The following PDE5A variants were observed in gnomAD, a reference collection of about 807,000 sequenced individuals.
The protein encoded by PDE5A is cGMP-specific 3',5'-cyclic phosphodiesterase.
Under a neutral mutation model 110.2 loss-of-function variants are expected in PDE5A, and 67 were observed. That is an observed-to-expected ratio of 0.61 (90% CI 0.50 to 0.75). PDE5A has a LOEUF of 0.75. Ranked by LOEUF, PDE5A falls within the 30% of genes least tolerant of loss-of-function variation. The probability of loss-of-function intolerance (pLI) is 0.00; values close to 1 mark genes in which losing one functional copy is unlikely to be tolerated. For missense variants in PDE5A, 862 were observed against 1,045.1 expected (o/e 0.82, Z 2.42); for synonymous variants, 328 against 351.2 (o/e 0.93, Z 0.74).
At chr4:119,605,632 G>A (rs1024121228) in intron 2 of PDE5A, among the ~76,000 whole-genome samples, 61 of 151,958 alleles carry the variant, frequency 4.0e-4, no homozygotes, top group African/African-American at 1.3e-3. Flanking sequence ...GGATAGCAAA[G>A]TGAGACTCCA....
intron 2 of PDE5A, among the ~76,000 whole-genome samples, chr4:119,602,599 G>T (rs1031714588): frequency 6.6e-6 from 1 of 152,106 alleles, no homozygotes; most frequent in Non-Finnish European, 1.5e-5. Flanking sequence ...TAGGAGATTT[G>T]TCTAAATTAC....
intron 1 of PDE5A, among the ~76,000 whole-genome samples, chr4:119,611,324 T>G (rs1185338718): frequency 2.6e-5 from 4 of 152,246 alleles, no homozygotes; most frequent in Non-Finnish European, 5.9e-5. Context: ...CTCCTGTACT[T>G]AGATTAATGC....
chr4:119,503,323 A>G (rs1025624288), intron 18 of PDE5A, among the ~76,000 whole-genome samples: 1 of 152,298 alleles, frequency 6.6e-6, no homozygotes, highest in East Asian at 1.9e-4. Flanking sequence ...ATGGACATCC[A>G]TCACTTTTTC....
rs763669871 is a variant in PDE5A, at chr4:119,542,608, C to G, written c.1423G>C (p.Glu475Gln). 1.2e-5 allele frequency: 20 copies of G among 1,613,720 alleles called. No individual in the cohort carries two copies. Among genetic ancestry groups the G allele is most frequent in the Non-Finnish European group, 1.5e-5 (18 of 1,179,828 alleles). The change falls in exon 10 of 21, where the codon GAG becomes CAG. Residue 475 changes from glutamate (E) to glutamine (Q), a missense_variant. By Grantham distance (29) the Glu-to-Gln change is conservative. Transcript: ENST00000354960. The stretch of plus-strand genomic sequence containing the variant: ...GGCTTAACCTTGCCAGTATTCTCCT[C>G]CATCTTATTAACAAGTTGGCAAACC... The part of the protein sequence containing the change: ...IGVCQLVNKM[E>Q]ENTGKVKPFN...
rs1443202585 is a variant in PDE5A, at chr4:119,627,537, T to C, written c.152+983A>G. On this transcript the variant is annotated intron_variant, in intron 1 of 20. Transcript: ENST00000354960. This position sits in a 1 kb window ranked among gnomAD's most constrained non-coding sequence, Gnocchi z 4.6. The stretch of plus-strand genomic sequence containing the variant: ...CAGGCGGCAGCGGGGCACGGACTCT[T>C]TCTGCAAAGGGGCGCGTCCTGGAGT... The C allele has an allele frequency of 6.5e-6, 1 of 153,184 alleles. No homozygotes were observed. The highest frequency in any genetic ancestry group is 2.4e-5 in the African/African-American group (1 of 41,470). The allele number at this position is 153,184 out of a possible 1,614,324, so 9.5% of individuals were successfully genotyped here. A position where few individuals can be genotyped will look rare whatever the true frequency, so the allele number is the denominator to read the frequency against.
intron 1 of PDE5A, among the ~76,000 whole-genome samples, chr4:119,611,046 C>T (rs1729725151): frequency 6.6e-6 from 1 of 152,198 alleles, no homozygotes; most frequent in South Asian, 2.1e-4. Context: ...TGCCAGCATC[C>T]TTGGCGCTCC....
intron 3 of PDE5A, among the ~76,000 whole-genome samples, chr4:119,583,032 G>A (rs978609385): frequency 3.9e-5 from 6 of 152,084 alleles, no homozygotes; most frequent in Non-Finnish European, 8.8e-5. Flanking sequence ...CATCAGAGTC[G>A]GCCTATCCTT....
At chr4:119,524,980 C>A (rs1176380635) in intron 12 of PDE5A, among the ~76,000 whole-genome samples, 1 of 151,952 alleles carries the variant, frequency 6.6e-6, no homozygotes, top group African/African-American at 2.4e-5. Context: ...ATATGGGTGA[C>A]CCTGTTCCAA....
intron 3 of PDE5A, among the ~76,000 whole-genome samples, chr4:119,581,822 T>G (rs1391651341): frequency 6.6e-6 from 1 of 152,268 alleles, no homozygotes; most frequent in Non-Finnish European, 1.5e-5. Context: ...GACTATACTG[T>G]AATTTCTTAA....
rs539929377 is a variant in PDE5A at position 119,608,856 on chromosome 4, T to C, written c.153-1559A>G. Among the ~76,000 whole-genome samples, 15 of 152,282 alleles carry C rather than the reference T, an allele frequency of 9.9e-5. No homozygotes were observed. In the East Asian group the frequency reaches 2.5e-3, roughly 25 times the overall value. ...GTAGTCACTCTCCAAAGTTTTTGGT[T>C]GTAGTAACAATTGATATTACTTAGG... is the stretch of plus-strand genomic sequence containing the variant. On this transcript the variant is annotated intron_variant, in intron 1 of 20. Transcript: ENST00000354960.
At chr4:119,593,051 C>T (rs1480038277) in intron 3 of PDE5A, among the ~76,000 whole-genome samples, 1 of 152,110 alleles carries the variant, frequency 6.6e-6, no homozygotes, top group Non-Finnish European at 1.5e-5. Flanking sequence ...CAGTAGAATG[C>T]CTAGAATTAA....
intron 6 of PDE5A, among the ~76,000 whole-genome samples, chr4:119,560,618 G>GT (rs770228286): frequency 6.6e-6 from 1 of 151,976 alleles, no homozygotes; most frequent in Non-Finnish European, 1.5e-5. Context: ...AGGACTATTT[G>GT]TTTTTTTCTA....
chr4:119,625,767 T>C (rs550809965), intron 1 of PDE5A, among the ~76,000 whole-genome samples: 50 of 152,234 alleles, frequency 3.3e-4, no homozygotes, highest in Non-Finnish European at 6.2e-4. Flanking sequence ...TTAAAACGTA[T>C]GCAATAAGTT....
At position 119,627,372 on chromosome 4, in the gene PDE5A, C is replaced by T. The variant is rs780519405; in HGVS notation, c.152+1148G>A. On this transcript the variant is annotated intron_variant, in intron 1 of 20. Coordinates refer to ENST00000354960, the MANE Select transcript of PDE5A (RefSeq NM_001083.4). This position sits in a 1 kb window ranked among gnomAD's most constrained non-coding sequence, Gnocchi z 4.6. ...GCGCCGCCCCCTGGCGGGGAGCGAC[C>T]GGCAGAGCCGCGGCCGCGCGCCGGC... 230 of 938,548 alleles carry T rather than the reference C, an allele frequency of 2.5e-4. No homozygotes were observed. In the Middle Eastern group the frequency reaches 2.6e-3, roughly 11 times the overall value. 58.1% of individuals were successfully genotyped at this position (938,548 alleles called of 1,614,324 possible). A position where few individuals can be genotyped will look rare whatever the true frequency, so the allele number is the denominator to read the frequency against.
intron 3 of PDE5A, among the ~76,000 whole-genome samples, chr4:119,589,966 T>A (rs867228703): frequency 6.6e-6 from 1 of 152,164 alleles, no homozygotes; most frequent in Non-Finnish European, 1.5e-5. Flanking sequence ...ATAATTTAAG[T>A]GCTTACTGCA....
intron 1 of PDE5A, among the ~76,000 whole-genome samples, chr4:119,622,464 T>C (rs1218305927): frequency 1.3e-5 from 2 of 152,184 alleles, no homozygotes; most frequent in Non-Finnish European, 2.9e-5. Context: ...TACTTTATAA[T>C]TCAGAATCAA....
chr4:119,551,871 A>G (rs1459199795), intron 9 of PDE5A: 1 of 152,080 alleles, frequency 6.6e-6, no homozygotes, highest in Non-Finnish European at 1.5e-5. Context: ...AAGTTATCAT[A>G]TTTTCTTTAT....
At chr4:119,615,625 AAAAG>A (rs1729911959) in intron 1 of PDE5A, among the ~76,000 whole-genome samples, 1 of 152,064 alleles carries the variant, frequency 6.6e-6, no homozygotes, top group African/African-American at 2.4e-5. Context: ...CAAAAAAAAA[AAAAG>A]AAAAAAAAAA....
At chr4:119,547,629 T>A (rs1192905344) in intron 9 of PDE5A, among the ~76,000 whole-genome samples, 1 of 152,046 alleles carries the variant, frequency 6.6e-6, no homozygotes, top group African/African-American at 2.4e-5. Context: ...TCAGTTTTTA[T>A]GTTATGTTAA....
Sources: allele counts gnomAD v4.1 joint callset (sites outside exome capture counted in the v4.1 genomes callset), GRCh38; gene constraint gnomAD v4.1.1; non-coding constraint Gnocchi (gnomAD v3.1); transcripts MANE v1.5; gene names NCBI Gene and HGNC (gene_info 2026-07-23, HGNC 2026-07-21).